The following ST3GAL3 variants were observed in gnomAD, a reference collection of about 807,000 sequenced individuals.
ST3GAL3 encodes ST3 beta-galactoside alpha-2,3-sialyltransferase 3, also known as CMP-N-acetylneuraminate-beta-1,4-galactoside alpha-2,3-sialyltransferase.
A neutral mutation model predicts 50.1 loss-of-function variants in ST3GAL3; 21 were observed. The observed-to-expected ratio is 0.42, with a 90% CI of 0.30 to 0.60. ST3GAL3 has a LOEUF of 0.60. Among genes scored for constraint, ST3GAL3 ranks in the 20% least tolerant of loss-of-function variants. The pLI is 0.19. For missense variants in ST3GAL3, 353 were observed against 489.4 expected (o/e 0.72, Z 2.63); for synonymous variants, 183 against 190.0 (o/e 0.96, Z 0.30).
chr1:43,842,693 C>G (rs2065593097), intron 5 of ST3GAL3: 1 of 149,848 alleles, frequency 6.7e-6, no homozygotes, highest in Non-Finnish European at 1.5e-5. Context: ...GTAGTCCCAT[C>G]TACTTGGGAG....
chr1:43,899,099 C>A lies in ST3GAL3; in HGVS notation c.462-69C>A. The A allele has an allele frequency of 6.2e-7, 1 of 1,609,262 alleles. No individual in the cohort carries two copies. The highest frequency in any genetic ancestry group is 8.5e-7 in the Non-Finnish European group (1 of 1,178,358). On this transcript the variant is annotated intron_variant, in intron 7 of 11. Coordinates refer to ENST00000347631, the MANE Select transcript of ST3GAL3 (RefSeq NM_006279.5). The surrounding 1 kb of genome is among the most constrained non-coding windows in gnomAD (Gnocchi z 5.4). ...CTGGACAAGGGCGTGGGGTCAAGGG[C>A]CAAAGGAGCAGGGAAAGAGACCTGG... is the stretch of plus-strand genomic sequence containing the variant.
At chr1:43,771,360 TTTTG>T (rs1695072861) in intron 2 of ST3GAL3, among the ~76,000 whole-genome samples, 1 of 148,494 alleles carries the variant, frequency 6.7e-6, no homozygotes, top group South Asian at 2.1e-4. Context: ...TTGGGCGACT[TTTTG>T]TTTTTTTTTT....
intron 2 of ST3GAL3, among the ~76,000 whole-genome samples, chr1:43,783,704 C>G (rs1558282377): frequency 6.6e-6 from 1 of 152,098 alleles, no homozygotes; most frequent in African/African-American, 2.4e-5. Context: ...GTCGTACACA[C>G]AGGGGTTTGT....
intron 3 of ST3GAL3, among the ~76,000 whole-genome samples, chr1:43,796,427 G>GC (rs1194999060): frequency 1.3e-5 from 2 of 152,210 alleles, no homozygotes; most frequent in African/African-American, 4.8e-5. Context: ...GTGCAGGTAT[G>GC]CATCTGATTC....
rs1218402722 is a variant in ST3GAL3 at position 43,838,076 on chromosome 1, C to T, written c.210-143C>T. The T allele has an allele frequency of 8.7e-6, 5 of 576,616 alleles. No individual in the cohort carries two copies. In the Admixed American group the frequency reaches 1.1e-4, roughly 12 times the overall value. 35.7% of individuals were successfully genotyped at this position (576,616 alleles called of 1,614,324 possible). ...CTTGCAGTGAGCCGAGATTGCGCCA[C>T]TGCACTCCAGCCTGGGCAACAGAAC... On this transcript the variant is annotated intron_variant, in intron 4 of 11. Transcript: ENST00000347631.
chr1:43,831,237 T>G (rs939605895), intron 4 of ST3GAL3, among the ~76,000 whole-genome samples: 3 of 152,194 alleles, frequency 2.0e-5, no homozygotes, highest in African/African-American at 7.2e-5. Flanking sequence ...TTGGAGTCAG[T>G]TTTCTCTTGT....
intron 5 of ST3GAL3, among the ~76,000 whole-genome samples, chr1:43,857,539 CTCCCTCCCTTCCTTCCTTTCCTTCCTTCT>C: frequency 7.6e-6 from 1 of 132,086 alleles, no homozygotes; most frequent in Non-Finnish European, 1.6e-5. Context: ...CCTTCCCTCC[CTCCCTCCCTTCCTTCCTTTCCTTCCTTCT>C]TTCTTTCCTT....
chr1:43,750,288 A>G (rs562222325), intron 2 of ST3GAL3, among the ~76,000 whole-genome samples: 10 of 152,340 alleles, frequency 6.6e-5, no homozygotes, highest in Middle Eastern at 3.4e-3. Context: ...AAAGTTCAGC[A>G]TATGTTTAGT....
At chr1:43,802,244 C>A (rs757119068) in intron 3 of ST3GAL3, among the ~76,000 whole-genome samples, 4 of 152,108 alleles carry the variant, frequency 2.6e-5, no homozygotes, top group East Asian at 3.8e-4. Context: ...CAGTTATCAT[C>A]AAAAACTCAC....
rs1027055100 is a variant in ST3GAL3, at chr1:43,709,149, GAA to G, written c.-31+1458_-31+1459del. ...TGAAGGGGAAGAAGTGAGCAGATGA[GAA>G]AGTGAGGATGACAAAGGTGCAGGGG... On this transcript the variant is annotated intron_variant, in intron 1 of 11. Coordinates refer to ENST00000347631, the MANE Select transcript of ST3GAL3 (RefSeq NM_006279.5). Among the ~76,000 whole-genome samples, 6 of 152,188 alleles carry G rather than the reference GAA, an allele frequency of 3.9e-5. No homozygotes were observed. The East Asian group carries it at 1.2e-3, about 29-fold the overall frequency.
At chr1:43,835,788 A>T (rs2064229176) in intron 4 of ST3GAL3, among the ~76,000 whole-genome samples, 1 of 152,198 alleles carries the variant, frequency 6.6e-6, no homozygotes, top group Non-Finnish European at 1.5e-5. Context: ...ATTCAGAAAG[A>T]CCACAGGAAC....
intron 1 of ST3GAL3, among the ~76,000 whole-genome samples, chr1:43,713,815 C>A (rs549211670): frequency 6.6e-6 from 1 of 152,180 alleles, no homozygotes; most frequent in Non-Finnish European, 1.5e-5. Flanking sequence ...GGTTTACACG[C>A]GTGAGCCACT....
intron 1 of ST3GAL3, among the ~76,000 whole-genome samples, chr1:43,734,531 A>G (rs1288461576): frequency 6.6e-6 from 1 of 151,890 alleles, no homozygotes; most frequent in Admixed American, 6.5e-5. Flanking sequence ...GCTGGCCTCA[A>G]ACTCCAGGGC....
chr1:43,792,153 C>T lies in ST3GAL3; in HGVS notation c.166+4C>T, dbSNP rs2058159159. The T allele has an allele frequency of 1.2e-6, 2 of 1,614,200 alleles. No homozygotes were observed. Among genetic ancestry groups the T allele is most frequent in the Non-Finnish European group, 1.7e-6 (2 of 1,180,034 alleles). Reference sequence around the variant, plus strand: ...GCTGGACAAACACTAGGCTCAGGTACCAACTCTTCCCCCTCTATCATCTTT... The same window carrying T: ...GCTGGACAAACACTAGGCTCAGGTATCAACTCTTCCCCCTCTATCATCTTT... On this transcript the variant is annotated splice_donor_region_variant and intron_variant, in intron 3 of 11. Coordinates refer to ENST00000347631, the MANE Select transcript of ST3GAL3 (RefSeq NM_006279.5).
intron 5 of ST3GAL3, chr1:43,850,837 G>A: frequency 3.5e-6 from 4 of 1,156,346 alleles, no homozygotes; most frequent in Non-Finnish European, 3.9e-6. Context: ...GTGTGGTTGT[G>A]GGGACCTCCC....
chr1:43,818,924 T>A (rs1424945765), intron 4 of ST3GAL3, among the ~76,000 whole-genome samples: 1 of 152,228 alleles, frequency 6.6e-6, no homozygotes, highest in Non-Finnish European at 1.5e-5. Context: ...TGGCGAACTC[T>A]TTTGGCAAAG....
intron 4 of ST3GAL3, among the ~76,000 whole-genome samples, chr1:43,833,730 G>A (rs2063857170): frequency 2.0e-5 from 3 of 152,204 alleles, no homozygotes; most frequent in African/African-American, 7.2e-5. Context: ...GGCGGTAGGA[G>A]AATGGGGGAA....
At chr1:43,729,689 G>A (rs2154082412) in intron 1 of ST3GAL3, among the ~76,000 whole-genome samples, 2 of 152,276 alleles carry the variant, frequency 1.3e-5, no homozygotes, top group East Asian at 3.9e-4. Context: ...TTTTGTTTAT[G>A]GATGCATAGT....
chr1:43,839,743 G>A (rs1241592674), intron 5 of ST3GAL3: 1 of 152,208 alleles, frequency 6.6e-6, no homozygotes, highest in Non-Finnish European at 1.5e-5. Flanking sequence ...AGGAAGTATG[G>A]TGCTGGCACC....
Sources: allele counts gnomAD v4.1 joint callset (sites outside exome capture counted in the v4.1 genomes callset), GRCh38; gene constraint gnomAD v4.1.1; non-coding constraint Gnocchi (gnomAD v3.1); transcripts MANE v1.5; gene names NCBI Gene and HGNC (gene_info 2026-07-23, HGNC 2026-07-21).